CSAD: variants seen among roughly 807,000 people sequenced by gnomAD.
CSAD encodes the protein cysteine sulfinic acid decarboxylase.
CSAD carries 47 observed loss-of-function variants against 61.5 expected under a neutral mutation model. That is an observed-to-expected ratio of 0.76 (90% CI 0.60 to 0.97). The LOEUF (loss-of-function observed/expected upper bound fraction) is 0.97. Among genes scored for constraint, CSAD ranks in the 50% least tolerant of loss-of-function variants. The pLI, the probability that CSAD is intolerant of heterozygous loss-of-function variation, is 0.00. For missense variants in CSAD, 611 were observed against 643.6 expected, an observed-to-expected ratio of 0.95 and a Z score of 0.55; for synonymous variants, 245 against 252.7, an observed-to-expected ratio of 0.97 and a Z score of 0.29.
chr12:53,180,708 C>A lies in CSAD; in HGVS notation c.-91+24G>T, dbSNP rs138922341. ...GGGAAGTGCTTCCGGGGAAACGGGC[C>A]GGGGTTGGTGTTTGTAAACTTGCCT... On this transcript the variant is annotated intron_variant, in intron 1 of 16. Transcript: ENST00000444623. The A allele has an allele frequency of 1.2e-4, 153 of 1,269,604 alleles. 3 individuals carry two copies. In the East Asian group the frequency reaches 8.8e-3, roughly 73 times the overall value. The allele number at this position is 1,269,604 out of a possible 1,614,324, so 78.6% of individuals were successfully genotyped here.
At chr12:53,173,797 G>A (rs746063593) in intron 2 of CSAD, 27 bp from the exon 3 acceptor site, 3 of 1,611,672 alleles carry the variant, frequency 1.9e-6, no homozygotes, top group African/African-American at 2.7e-5. Context: ...CAAGATGGCA[G>A]AGGAAGTGGG....
At chr12:53,171,804 G>C in intron 7 of CSAD, 78 bp downstream of exon 7, 2 of 987,086 alleles carry the variant, frequency 2.0e-6, no homozygotes, top group South Asian at 2.8e-5. Flanking sequence ...CTCCCTGCCA[G>C]ACACTAGAGC....
At position 53,161,258 on chromosome 12, in the gene CSAD, C is replaced by A. The variant is rs577013067; in HGVS notation, c.819+15G>T. On this transcript the variant is annotated intron_variant, in intron 11 of 16. Transcript: ENST00000444623. ...AGCCCACCCCACCGCACCCCCAAGCCGAAGTCCCACTCACATCCACATGCA... is the reference window on the plus strand; with the variant it reads ...AGCCCACCCCACCGCACCCCCAAGCAGAAGTCCCACTCACATCCACATGCA... 1.2e-6 allele frequency: 2 copies of A among 1,613,778 alleles called. No homozygotes were observed. Among genetic ancestry groups the A allele is most frequent in the African/African-American group, 2.7e-5 (2 of 74,898 alleles).
chr12:53,161,421 A>G (rs1939266706), intron 10 of CSAD, 32 bp from the exon 11 acceptor site: 1 of 1,569,718 alleles, frequency 6.4e-7, no homozygotes, highest in African/African-American at 1.3e-5. Context: ...AGAAAGATGT[A>G]AAGTCATCTC....
At position 53,173,155 on chromosome 12, in the gene CSAD, C is replaced by G; in HGVS notation, c.126+190G>C. Reference sequence around the variant, plus strand: ...CCCGGGAGACGGAGGTTGCAGTGAGCCAAGATTGTGCCACTGCACTCCAGC... The same window carrying G: ...CCCGGGAGACGGAGGTTGCAGTGAGGCAAGATTGTGCCACTGCACTCCAGC... On this transcript the variant is annotated intron_variant, in intron 4 of 16. Coordinates refer to ENST00000444623, the MANE Select transcript of CSAD (RefSeq NM_001244705.2). The G allele has an allele frequency of 8.9e-6, 5 of 562,278 alleles. No individual in the cohort carries two copies. The South Asian group carries it at 1.0e-4, about 12-fold the overall frequency. 34.8% of individuals were successfully genotyped at this position (562,278 alleles called of 1,614,324 possible). A position where few individuals can be genotyped will look rare whatever the true frequency, so the allele number is the denominator to read the frequency against.
intron 7 of CSAD, chr12:53,171,648 C>A (rs1042163766): frequency 1.6e-6 from 1 of 627,592 alleles, no homozygotes; most frequent in Non-Finnish European, 2.8e-6. Flanking sequence ...GGGGCTGCCC[C>A]CAAGAGACAG....
At chr12:53,170,586 A>C in intron 8 of CSAD, 84 bp from the exon 9 acceptor site, 9 of 1,012,560 alleles carry the variant, frequency 8.9e-6, no homozygotes, top group East Asian at 2.4e-5. Flanking sequence ...GCTCCAACAA[A>C]TGGGATCCTG....
rs758282393 is a variant in CSAD, at chr12:53,171,335, T to C, written c.558A>G (p.Thr186=). 1.1e-5 allele frequency: 17 copies of C among 1,613,898 alleles called. No individual in the cohort carries two copies. The highest frequency in any genetic ancestry group is 2.2e-5 in the East Asian group (1 of 44,882). Residue 186 remains threonine (T), a synonymous_variant, in exon 8 of 17, where the codon ACA becomes ACG. Transcript: ENST00000444623. ...TGTGCCTCTTCCCCACCTCCTTCGATGTGAATAGGGCCAGGGGCGGCAGTG... is the reference window on the plus strand; with the variant it reads ...TGTGCCTCTTCCCCACCTCCTTCGACGTGAATAGGGCCAGGGGCGGCAGTG... ...LRTLPPLALF[T]SKECHYSIQK...
rs757419251 is a variant in CSAD at position 53,170,542 on chromosome 12, G to C, written c.568-40C>G. The stretch of plus-strand genomic sequence containing the variant: ...AGAGGGCAAGTTAGCACAACTTGAT[G>C]GGGGAGGGGAGAGAAGGTAAAAGTC... On this transcript the variant is annotated intron_variant, in intron 8 of 16. Transcript: ENST00000444623. 5 of 1,494,920 alleles carry C rather than the reference G, an allele frequency of 3.3e-6. No homozygotes were observed. The South Asian group carries it at 4.5e-5, about 13-fold the overall frequency. The allele number at this position is 1,494,920 out of a possible 1,614,324, so 92.6% of individuals were successfully genotyped here. A position where few individuals can be genotyped will look rare whatever the true frequency, so the allele number is the denominator to read the frequency against.
At position 53,158,560 on chromosome 12, in the gene CSAD, T is replaced by A. The variant is rs1033697498; in HGVS notation, c.1433A>T (p.Asp478Val). The A allele has an allele frequency of 1.2e-6, 2 of 1,613,362 alleles. No individual in the cohort carries two copies. The highest frequency in any genetic ancestry group is 1.7e-5 in the Admixed American group (1 of 59,942). ...CAGCTCGTTGAGGAGGAAGTCCATA[T>A]CAGCACAGGTCAGTGCAGAGTTGGC... ...VVANSALTCA[D>V]MDFLLNELER... The change falls in exon 17 of 17, where the codon GAT becomes GTT. Residue 478 changes from aspartate to valine, a missense_variant. By Grantham distance (152) the Asp-to-Val change is radical. Transcript: ENST00000444623.
In CSAD at chr12:53,172,723, C is replaced by T. The variant is rs560287943; in HGVS notation, c.127-75G>A. The T allele has an allele frequency of 3.6e-5, 53 of 1,476,206 alleles. No individual in the cohort carries two copies. In the East Asian group the frequency reaches 4.3e-4, roughly 12 times the overall value. 91.4% of individuals were successfully genotyped at this position (1,476,206 alleles called of 1,614,324 possible). ...CTGTCAAACCACACCTCCACAGACA[C>T]GAGACACGGCCAACCTGCACTAAAA... On this transcript the variant is annotated intron_variant, in intron 4 of 16. Transcript: ENST00000444623.
intron 2 of CSAD, among the ~76,000 whole-genome samples, chr12:53,175,520 A>C (rs1477640284): frequency 6.6e-6 from 1 of 151,976 alleles, no homozygotes; most frequent in Non-Finnish European, 1.5e-5. Context: ...CTATGTATAC[A>C]ATCTTTTCTC....
In CSAD at chr12:53,180,816, A is replaced by G; in HGVS notation, c.-175T>C. 7.9e-7 allele frequency: 1 copy of G among 1,271,506 alleles called. No homozygotes were observed. Among genetic ancestry groups the G allele is most frequent in the Non-Finnish European group, 1.0e-6 (1 of 982,110 alleles). The allele number at this position is 1,271,506 out of a possible 1,614,324, so 78.8% of individuals were successfully genotyped here. On this transcript the variant is annotated 5_prime_UTR_variant, in exon 1 of 17. Transcript: ENST00000444623. ...GGAGGCGCCGCGCGGCCAGGGAGCCAGCGGGAGGCCGCGCCTGGCAGGTAG... is the reference window on the plus strand; with the variant it reads ...GGAGGCGCCGCGCGGCCAGGGAGCCGGCGGGAGGCCGCGCCTGGCAGGTAG...
chr12:53,166,847 G>C (rs554786817), intron 10 of CSAD, among the ~76,000 whole-genome samples: 1 of 152,194 alleles, frequency 6.6e-6, no homozygotes, highest in Admixed American at 6.5e-5. Flanking sequence ...GAGTTCTGGA[G>C]ACTGGTTGCA....
At chr12:53,175,880 G>C (rs958950692) in intron 2 of CSAD, among the ~76,000 whole-genome samples, 3 of 152,096 alleles carry the variant, frequency 2.0e-5, no homozygotes, top group African/African-American at 7.2e-5. Flanking sequence ...ATTCATTCTT[G>C]TTTTCAAGAT....
intron 3 of CSAD, 86 bp downstream of exon 3, chr12:53,173,642 T>C: frequency 1.4e-6 from 2 of 1,434,330 alleles, no homozygotes. Context: ...AGAAAACCAG[T>C]GGGAACAGGT....
intron 10 of CSAD, among the ~76,000 whole-genome samples, chr12:53,163,861 C>T (rs1939586292): frequency 6.6e-6 from 1 of 152,156 alleles, no homozygotes; most frequent in Non-Finnish European, 1.5e-5. Context: ...TCAAAACATA[C>T]TACAAAGCTA....
At chr12:53,173,803 G>T in intron 2 of CSAD, 33 bp from the exon 3 acceptor site, 1 of 1,610,204 alleles carries the variant, frequency 6.2e-7, no homozygotes, top group African/African-American at 1.3e-5. Context: ...GGCAGAGGAA[G>T]TGGGGTGAAA....
intron 2 of CSAD, among the ~76,000 whole-genome samples, chr12:53,175,155 A>G (rs1427143012): frequency 6.6e-6 from 1 of 152,196 alleles, no homozygotes; most frequent in African/African-American, 2.4e-5. Context: ...AATTGCCACA[A>G]GAGGGAGTTG....
Sources: allele counts gnomAD v4.1 joint callset (sites outside exome capture counted in the v4.1 genomes callset), GRCh38; gene constraint gnomAD v4.1.1; transcripts MANE v1.5; gene names NCBI Gene and HGNC (gene_info 2026-07-23, HGNC 2026-07-21).